The following NETO1 variants were observed in gnomAD, a reference collection of about 807,000 sequenced individuals.
NETO1 encodes neuropilin and tolloid-like protein 1.
NETO1 carries 26 observed loss-of-function variants against 61.3 expected under a neutral mutation model. The observed-to-expected ratio is 0.42, with a 90% CI of 0.31 to 0.59. The LOEUF (loss-of-function observed/expected upper bound fraction) is 0.59. Ranked by LOEUF, NETO1 falls within the 20% of genes least tolerant of loss-of-function variation. The probability of loss-of-function intolerance (pLI) is 0.12; values close to 1 mark genes in which losing one functional copy is unlikely to be tolerated. For missense variants in NETO1, 531 were observed against 662.8 expected (o/e 0.80, Z 2.18); for synonymous variants, 225 against 225.8 (o/e 1.00, Z 0.03).
chr18:72,857,275 T>G (rs2074436080), intron 4 of NETO1, among the ~76,000 whole-genome samples: 2 of 152,222 alleles, frequency 1.3e-5, no homozygotes, highest in Admixed American at 6.5e-5. Flanking sequence ...CAGTGAAATC[T>G]CATTCTATAA....
intron 4 of NETO1, among the ~76,000 whole-genome samples, chr18:72,856,624 C>T (rs1447832097): frequency 2.0e-5 from 3 of 152,060 alleles, no homozygotes; most frequent in Admixed American, 2.0e-4. Context: ...GGACCGTGTT[C>T]AAAATTTACG....
intron 7 of NETO1, among the ~76,000 whole-genome samples, chr18:72,776,562 G>C (rs941795466): frequency 6.6e-6 from 1 of 152,180 alleles, no homozygotes; most frequent in Non-Finnish European, 1.5e-5. Context: ...GGCACCATCA[G>C]ATGTGGAGTC....
At chr18:72,752,997 CA>C (rs1223150744) in intron 8 of NETO1, among the ~76,000 whole-genome samples, 2 of 151,654 alleles carry the variant, frequency 1.3e-5, no homozygotes, top group Non-Finnish European at 2.9e-5. Context: ...AGAACAATAA[CA>C]GAGCCTCAGA....
chr18:72,793,093 C>T (rs762878088), intron 6 of NETO1, among the ~76,000 whole-genome samples: 8 of 152,232 alleles, frequency 5.3e-5, no homozygotes, highest in Admixed American at 1.3e-4. Flanking sequence ...AAGAACTAAA[C>T]GGAAGCACCT....
chr18:72,815,276 A>C (rs2072996810), intron 4 of NETO1, among the ~76,000 whole-genome samples: 2 of 152,244 alleles, frequency 1.3e-5, no homozygotes, highest in African/African-American at 4.8e-5. Flanking sequence ...GGGAAGATTC[A>C]TTAAGTCACA....
At chr18:72,857,957 T>G (rs1221844793) in intron 4 of NETO1, among the ~76,000 whole-genome samples, 2 of 152,178 alleles carry the variant, frequency 1.3e-5, no homozygotes, top group African/African-American at 2.4e-5. Flanking sequence ...ATGTTACTTC[T>G]TTAACATGGA....
chr18:72,767,941 G>A (rs2071220376), intron 7 of NETO1, among the ~76,000 whole-genome samples: 3 of 152,274 alleles, frequency 2.0e-5, no homozygotes, highest in East Asian at 1.9e-4. Context: ...CATTTGCTAC[G>A]TTCCAGACAT....
chr18:72,833,668 C>G (rs1490995368), intron 4 of NETO1, among the ~76,000 whole-genome samples: 5 of 152,238 alleles, frequency 3.3e-5, no homozygotes, highest in African/African-American at 1.2e-4. Flanking sequence ...ATCTCAGGTT[C>G]TCAGTAGTGG....
intron 4 of NETO1, among the ~76,000 whole-genome samples, chr18:72,855,200 A>G (rs2074379921): frequency 6.6e-6 from 1 of 152,058 alleles, no homozygotes; most frequent in South Asian, 2.1e-4. Context: ...TGCAGAGGAG[A>G]GGCTCAGTAC....
At chr18:72,742,618 T>C (rs2145049217), downstream of NETO1, 1 of 152,312 alleles carries the variant, frequency 6.6e-6, no homozygotes, top group South Asian at 2.1e-4. Flanking sequence ...CTTTCAGCAG[T>C]ACGTACTATG....
At chr18:72,776,069 G>A (rs778855833) in intron 7 of NETO1, among the ~76,000 whole-genome samples, 13 of 152,160 alleles carry the variant, frequency 8.5e-5, no homozygotes, top group African/African-American at 2.4e-4. Flanking sequence ...AAAAAAAGAC[G>A]TATGTAGCTC....
Position 72,861,114 on chromosome 18 carries a change from A to G in NETO1, c.221-2040T>C, listed in dbSNP as rs151175760. Reference sequence around the variant, plus strand: ...TACTAAGAAATAATGGCCATCTAACATGAATTCACTTCTCCATACCTTCGC... The same window carrying G: ...TACTAAGAAATAATGGCCATCTAACGTGAATTCACTTCTCCATACCTTCGC... On this transcript the variant is annotated intron_variant, in intron 3 of 10. Coordinates refer to ENST00000327305, the MANE Select transcript of NETO1 (RefSeq NM_138966.5). 3.3e-5 allele frequency among the ~76,000 whole-genome samples: 5 copies of G among 152,334 alleles called. No individual in the cohort carries two copies. In the South Asian group the frequency reaches 1.0e-3, roughly 32 times the overall value.
intron 1 of NETO1, chr18:72,866,638 G>T: frequency 1.2e-6 from 1 of 865,350 alleles, no homozygotes; most frequent in Non-Finnish European, 1.4e-6. Context: ...GCTTAGTAAT[G>T]ATACATTTCC....
intron 3 of NETO1, among the ~76,000 whole-genome samples, chr18:72,859,453 A>G (rs904026138): frequency 3.3e-5 from 5 of 152,214 alleles, no homozygotes; most frequent in African/African-American, 1.2e-4. Context: ...GTAACAAATC[A>G]CTTGAGAATT....
At chr18:72,856,740 A>T (rs1039132066) in intron 4 of NETO1, among the ~76,000 whole-genome samples, 1 of 152,216 alleles carries the variant, frequency 6.6e-6, no homozygotes, top group Non-Finnish European at 1.5e-5. Flanking sequence ...ATGAACTGGT[A>T]GGCGGAATTT....
chr18:72,771,925 C>T (rs1020425857), intron 7 of NETO1, among the ~76,000 whole-genome samples: 2 of 151,994 alleles, frequency 1.3e-5, no homozygotes, highest in South Asian at 4.2e-4. Flanking sequence ...TGTCAGAAGT[C>T]CAGGCAGGGC....
chr18:72,775,466 A>G (rs546828306), intron 7 of NETO1, among the ~76,000 whole-genome samples: 1 of 152,320 alleles, frequency 6.6e-6, no homozygotes, highest in African/African-American at 2.4e-5. Context: ...GTTTCAGAAT[A>G]GAAACCTCTC....
intron 4 of NETO1, among the ~76,000 whole-genome samples, chr18:72,826,478 T>A (rs746211410): frequency 1.3e-5 from 2 of 152,182 alleles, no homozygotes; most frequent in African/African-American, 2.4e-5. Flanking sequence ...TTATTCTGTT[T>A]ATATTTGTTA....
At position 72,750,343 on chromosome 18, in the gene NETO1, C is replaced by A; in HGVS notation, c.1260G>T (p.Leu420=). Reference sequence around the variant, plus strand: ...GAATGCATTTGGAAGATGACCTCCGCAGTTTATGGTAATTTTCAAAGTCAT... The same window carrying A: ...GAATGCATTTGGAAGATGACCTCCGAAGTTTATGGTAATTTTCAAAGTCAT... ...VADDFENYHK[L]RRSSSKCIHD... is the part of the protein sequence containing the mutation. The change falls in exon 9 of 11, where the codon CTG becomes CTT. Residue 420 remains leucine, a synonymous_variant. Coordinates refer to ENST00000327305, the MANE Select transcript of NETO1 (RefSeq NM_138966.5). 1 of 1,614,002 alleles carries A rather than the reference C, an allele frequency of 6.2e-7. No homozygotes were observed. Among genetic ancestry groups the A allele is most frequent in the Non-Finnish European group, 8.5e-7 (1 of 1,179,990 alleles).
Sources: gnomAD v4.1 joint callset for allele counts (sites outside exome capture counted in the v4.1 genomes callset) on GRCh38, gnomAD v4.1.1 for gene constraint, MANE v1.5 for transcripts, NCBI Gene and HGNC (gene_info 2026-07-23, HGNC 2026-07-21) for gene names.